GINS1: variants seen among roughly 807,000 people sequenced by gnomAD.
GINS1 encodes GINS complex subunit 1.
Under a neutral mutation model 34.9 loss-of-function variants are expected in GINS1, and 26 were observed. The observed-to-expected ratio is 0.74, with a 90% CI of 0.55 to 1.03. GINS1 has a LOEUF of 1.03. Ranked by LOEUF, GINS1 falls within the 50% of genes least tolerant of loss-of-function variation. The probability of loss-of-function intolerance (pLI) is 0.00; values close to 1 mark genes in which losing one functional copy is unlikely to be tolerated. For missense variants in GINS1, 235 were observed against 237.9 expected (o/e 0.99, Z 0.08); for synonymous variants, 97 against 84.4 (o/e 1.15, Z -0.82).
intron 1 of GINS1, among the ~76,000 whole-genome samples, chr20:25,413,186 G>C (rs1459392002): frequency 6.6e-6 from 1 of 151,986 alleles, no homozygotes; most frequent in Non-Finnish European, 1.5e-5. Flanking sequence ...TGAATAGCTG[G>C]GATTACAGCC....
intron 5 of GINS1, among the ~76,000 whole-genome samples, chr20:25,440,812 A>G (rs1484524312): frequency 1.0e-5 from 1 of 100,238 alleles, no homozygotes; most frequent in Non-Finnish European, 1.9e-5. Context: ...CTCTGTCTCA[A>G]AAAAAAAAAA....
In GINS1 at chr20:25,407,932, G is replaced by T. The variant is rs765753425; in HGVS notation, c.75+37G>T. On this transcript the variant is annotated intron_variant, in intron 1 of 6. Transcript: ENST00000262460. The stretch of plus-strand genomic sequence containing the variant: ...GTAGACTTGGACGGGGCATGCCGGC[G>T]TTGGGCCCTGGGCTCTGGGGCGGGG... 4.0e-6 allele frequency: 6 copies of T among 1,505,622 alleles called. No homozygotes were observed. In the East Asian group the frequency reaches 9.0e-5, roughly 23 times the overall value. 93.3% of individuals were successfully genotyped at this position (1,505,622 alleles called of 1,614,324 possible).
chr20:25,413,750 G>C (rs1385733623), intron 1 of GINS1, 40 bp from the exon 2 acceptor site: 2 of 1,107,668 alleles, frequency 1.8e-6, no homozygotes, highest in Non-Finnish European at 2.8e-6. Context: ...AGAATTGGTG[G>C]GGAAATCAGT....
intron 5 of GINS1, among the ~76,000 whole-genome samples, chr20:25,435,948 G>C (rs1408086639): frequency 1.3e-5 from 2 of 150,820 alleles, no homozygotes; most frequent in Non-Finnish European, 3.0e-5. Flanking sequence ...AAGTAGCTGG[G>C]ATTACAGGCA....
chr20:25,420,928 A>T (rs912282198), intron 4 of GINS1: 62 of 982,788 alleles, frequency 6.3e-5, no homozygotes, highest in Non-Finnish European at 7.1e-5. Context: ...TCTCTGCTTG[A>T]GCAATTGCAT....
chr20:25,410,708 C>T (rs1001795796), intron 1 of GINS1, among the ~76,000 whole-genome samples: 3 of 152,046 alleles, frequency 2.0e-5, no homozygotes, highest in Admixed American at 1.3e-4. Context: ...ATTACAGGCG[C>T]CTGCCACCAT....
intron 5 of GINS1, among the ~76,000 whole-genome samples, chr20:25,434,505 T>G (rs2090443784): frequency 6.6e-6 from 1 of 151,956 alleles, no homozygotes; most frequent in South Asian, 2.1e-4. Context: ...TGGGGTGTGG[T>G]GGTACAATCA....
chr20:25,431,366 T>C (rs1243637119), intron 5 of GINS1, among the ~76,000 whole-genome samples: 3 of 152,096 alleles, frequency 2.0e-5, no homozygotes, highest in Non-Finnish European at 4.4e-5. Flanking sequence ...TTTAGTTTTA[T>C]TGGTTTTCTC....
At chr20:25,423,887 T>C (rs2090374972) in intron 4 of GINS1, among the ~76,000 whole-genome samples, 1 of 152,160 alleles carries the variant, frequency 6.6e-6, no homozygotes, top group South Asian at 2.1e-4. Flanking sequence ...GTTCTGGGAT[T>C]ACAGGCGTGA....
At chr20:25,422,321 C>T (rs940985485) in intron 4 of GINS1, among the ~76,000 whole-genome samples, 5 of 152,018 alleles carry the variant, frequency 3.3e-5, no homozygotes, top group Admixed American at 1.3e-4. Context: ...CACCCGCAAC[C>T]CCAGCACTTT....
At chr20:25,427,266 A>G (rs147837704) in intron 5 of GINS1, among the ~76,000 whole-genome samples, 1 of 152,098 alleles carries the variant, frequency 6.6e-6, no homozygotes, top group African/African-American at 2.4e-5. Flanking sequence ...TCCCAGGTTC[A>G]CCTCAACTGC....
intron 6 of GINS1, among the ~76,000 whole-genome samples, chr20:25,442,607 ATTATT>A (rs1292958775): frequency 9.2e-6 from 1 of 108,160 alleles, no homozygotes; most frequent in Non-Finnish European, 1.7e-5. Context: ...TATTATTATT[ATTATT>A]TTTTTTTTTT....
Position 25,425,244 on chromosome 20 carries a change from G to T in GINS1, c.364G>T (p.Ala122Ser). Residue 122 changes from alanine to serine, a missense_variant, in exon 5 of 7, where the codon GCT becomes TCT. Physicochemically the swap from Ala to Ser is moderately conservative, Grantham distance 99. Coordinates refer to ENST00000262460, the MANE Select transcript of GINS1 (RefSeq NM_021067.5). ...GTTTAATAATTATAAAAGATCTCTT[G>T]CTACTTATATGAGGTCACTGGGAGG... is the stretch of plus-strand genomic sequence containing the variant. ...EWFNNYKRSL[A>S]TYMRSLGGDE... The T allele has an allele frequency of 6.5e-7, 1 of 1,542,304 alleles. No homozygotes were observed. The highest frequency in any genetic ancestry group is 9.0e-7 in the Non-Finnish European group (1 of 1,115,380).
chr20:25,423,941 A>G (rs115089266), intron 4 of GINS1, among the ~76,000 whole-genome samples: 1 of 151,996 alleles, frequency 6.6e-6, no homozygotes, highest in Admixed American at 6.6e-5. Context: ...TTTAGGAGCT[A>G]TATTTTACCT....
intron 5 of GINS1, among the ~76,000 whole-genome samples, chr20:25,440,341 G>C (rs997543891): frequency 2.6e-4 from 39 of 152,124 alleles, no homozygotes; most frequent in African/African-American, 9.4e-4. Flanking sequence ...TATAGAAGTA[G>C]ACAATAGAAT....
At chr20:25,430,429 T>C (rs1180702268) in intron 5 of GINS1, among the ~76,000 whole-genome samples, 2 of 152,260 alleles carry the variant, frequency 1.3e-5, no homozygotes, top group Middle Eastern at 3.2e-3. Context: ...TTTTCATATC[T>C]TGAACTGTCC....
chr20:25,423,627 TTTC>T (rs144120286), intron 4 of GINS1, among the ~76,000 whole-genome samples: 66,824 of 128,366 alleles, frequency 0.52, 17,886 homozygotes, highest in Admixed American at 0.59. Flanking sequence ...TTTTTTTTTT[TTTC>T]CGAGACGGAG....
At chr20:25,441,845 C>G in intron 6 of GINS1, 69 bp downstream of exon 6, 1 of 770,362 alleles carries the variant, frequency 1.3e-6, no homozygotes. Flanking sequence ...GTTGGAATAG[C>G]AAAATAAATA....
intron 5 of GINS1, among the ~76,000 whole-genome samples, chr20:25,428,506 C>G (rs113744211): frequency 0.055 from 8,220 of 148,852 alleles, 453 homozygotes; most frequent in South Asian, 0.19. Context: ...TGGGTTCACG[C>G]CATTCTCCTG....
Sources: allele counts gnomAD v4.1 joint callset (sites outside exome capture counted in the v4.1 genomes callset), GRCh38; gene constraint gnomAD v4.1.1; transcripts MANE v1.5; gene names NCBI Gene and HGNC (gene_info 2026-07-23, HGNC 2026-07-21).